Variants in NF1 observed in about 807,000 individuals in gnomAD.
NF1 encodes the protein neurofibromin.
Under a neutral mutation model 325.7 loss-of-function variants are expected in NF1, and 122 were observed. The ratio of observed to expected loss-of-function variants is 0.37; its 90% CI spans 0.32 to 0.44. NF1 has a LOEUF of 0.44. Among genes scored for constraint, NF1 ranks in the 20% least tolerant of loss-of-function variants. The pLI, the probability that NF1 is intolerant of heterozygous loss-of-function variation, is 1.00. For missense variants in NF1, 2,140 were observed against 3,415.4 expected (o/e 0.63, Z 9.31); for synonymous variants, 1,091 against 1,186.0 (o/e 0.92, Z 1.65).
At chr17:31,191,479 T>C (rs2066341714) in intron 8 of NF1, among the ~76,000 whole-genome samples, 1 of 152,190 alleles carries the variant, frequency 6.6e-6, no homozygotes. Flanking sequence ...CGGCAACATG[T>C]GTAAATCTCA....
At chr17:31,271,277 A>G (rs1314148534) in intron 36 of NF1, among the ~76,000 whole-genome samples, 3 of 152,212 alleles carry the variant, frequency 2.0e-5, no homozygotes, top group Non-Finnish European at 4.4e-5. Context: ...TCAATATAAG[A>G]TAATCTTGTC....
intron 57 of NF1, chr17:31,361,081 C>CAAAAAAAAAAAAAAAAAAAAAAAAAA: frequency 2.1e-5 from 1 of 46,544 alleles, no homozygotes; most frequent in Non-Finnish European, 3.5e-5. Context: ...CATACTATAT[C>CAAAAAAAAAAAAAAAAAAAAAAAAAA]AAAAAAAAAA....
intron 36 of NF1, among the ~76,000 whole-genome samples, chr17:31,312,049 T>C (rs566664324): frequency 2.0e-5 from 3 of 152,224 alleles, no homozygotes; most frequent in East Asian, 3.9e-4. Context: ...CTGAAAATTT[T>C]GTGGTGATTT....
At chr17:31,213,923 T>C (rs1440221254) in intron 12 of NF1, among the ~76,000 whole-genome samples, 1 of 152,164 alleles carries the variant, frequency 6.6e-6, no homozygotes, top group Non-Finnish European at 1.5e-5. Flanking sequence ...TTCTCTAAAA[T>C]TGGGAATGTA....
At chr17:31,095,517 A>G (rs998455208) in intron 1 of NF1, 148 bp downstream of exon 1, 1 of 351,654 alleles carries the variant, frequency 2.8e-6, no homozygotes, top group South Asian at 2.9e-5. Flanking sequence ...AGGGGGGATA[A>G]GTGGGGGTGG....
chr17:31,104,700 A>G (rs2143241402), intron 1 of NF1, among the ~76,000 whole-genome samples: 1 of 152,282 alleles, frequency 6.6e-6, no homozygotes, highest in Non-Finnish European at 1.5e-5. Context: ...AGCAAGTTGT[A>G]AATTTCTGTA....
rs558351103 is a variant in NF1 at position 31,312,646 on chromosome 17, A to G, written c.4836-13174A>G. 1.1e-4 allele frequency among the ~76,000 whole-genome samples: 16 copies of G among 152,288 alleles called. No individual in the cohort carries two copies. The East Asian group carries it at 2.9e-3, about 27-fold the overall frequency. ...ATATAATTTTATGACTTTATGCATAATGAAATAAACTAAATATTAGAAGTA... is the reference window on the plus strand; with the variant it reads ...ATATAATTTTATGACTTTATGCATAGTGAAATAAACTAAATATTAGAAGTA... On this transcript the variant is annotated intron_variant, in intron 36 of 57. Coordinates refer to ENST00000358273, the MANE Select transcript of NF1 (RefSeq NM_001042492.3).
At position 31,304,863 on chromosome 17, in the gene NF1, G is replaced by A. The variant is rs781203774; in HGVS notation, c.4836-20957G>A. 1.5e-5 allele frequency: 25 copies of A among 1,613,608 alleles called. No homozygotes were observed. The African/African-American group carries it at 3.1e-4, about 20-fold the overall frequency. On this transcript the variant is annotated intron_variant, in intron 36 of 57. Transcript: ENST00000358273. ...TGATGTTATCCATACAAATGTCAGG[G>A]GTTTCTCCATCAGCAAATGGAGATC...
At chr17:31,136,894 A>C (rs1034460986) in intron 1 of NF1, 6 of 152,180 alleles carry the variant, frequency 3.9e-5, no homozygotes, top group Non-Finnish European at 8.8e-5. Context: ...GGGCTCTTGG[A>C]ACTTATGCCC....
At chr17:31,304,805 T>C in intron 36 of NF1, 1 of 1,614,040 alleles carries the variant, frequency 6.2e-7, no homozygotes, top group Non-Finnish European at 8.5e-7. Context: ...AGTGAAATGA[T>C]TGATGTACGT....
Position 31,374,112 on chromosome 17 carries a change from G to T in NF1, c.8477G>T (p.Ser2826Ile). ...GSASQVQKQR[S>I]AGSFKRNSIK... ...GCAAGCCAAGTGCAGAAGCAAAGAA[G>T]CGCTGGCAGTTTCAAACGTAATAGC... The change falls in exon 58 of 58, where the codon AGC (serine) becomes ATC (isoleucine). Residue 2826 changes from serine to isoleucine, a missense_variant. Ser to Ile is a moderately radical substitution (Grantham distance 142). Transcript: ENST00000358273. 6.2e-7 allele frequency: 1 copy of T among 1,614,106 alleles called. No individual in the cohort carries two copies. The highest frequency in any genetic ancestry group is 8.5e-7 in the Non-Finnish European group (1 of 1,179,978).
chr17:31,126,124 G>T (rs1367419839), intron 1 of NF1, among the ~76,000 whole-genome samples: 1 of 152,002 alleles, frequency 6.6e-6, no homozygotes, highest in African/African-American at 2.4e-5. Flanking sequence ...GGAGGCGGAG[G>T]TTGCAGTGAG....
chr17:31,167,266 A>G lies in NF1; in HGVS notation c.480-2625A>G, dbSNP rs561418599. ...AGCAGCTGTGGAATTTTTAGCATTG[A>G]GGACAACCTCATTCCCAGCTTGAAA... On this transcript the variant is annotated intron_variant, in intron 4 of 57. Coordinates refer to ENST00000358273, the MANE Select transcript of NF1 (RefSeq NM_001042492.3). Among the ~76,000 whole-genome samples the G allele has an allele frequency of 2.2e-4, 33 of 152,344 alleles. 1 individual carries two copies. The South Asian group carries it at 5.4e-3, about 25-fold the overall frequency.
chr17:31,377,535 C>G lies in NF1; in HGVS notation c.*3380C>G. On this transcript the variant is annotated 3_prime_UTR_variant, in exon 58 of 58. Coordinates refer to ENST00000358273, the MANE Select transcript of NF1 (RefSeq NM_001042492.3). ...CGCCAGCAGGAAAAATACTGCCCAA[C>G]AGACAAAATCGATCATTGTAGGGGA... 4.3e-6 allele frequency: 1 copy of G among 232,948 alleles called. No homozygotes were observed. Among genetic ancestry groups the G allele is most frequent in the Non-Finnish European group, 8.5e-6 (1 of 117,610 alleles). 14.4% of individuals were successfully genotyped at this position (232,948 alleles called of 1,614,324 possible).
At chr17:31,223,294 A>G (rs1315803627) in intron 15 of NF1, 150 bp from the exon 16 acceptor site, 1 of 906,236 alleles carries the variant, frequency 1.1e-6, no homozygotes, top group African/African-American at 1.7e-5. Flanking sequence ...TGCTATTGAC[A>G]CTTTGATAAC....
At chr17:31,173,227 G>A (rs950541993) in intron 5 of NF1, among the ~76,000 whole-genome samples, 3 of 152,044 alleles carry the variant, frequency 2.0e-5, no homozygotes, top group Admixed American at 6.6e-5. Context: ...TGGCTAACAC[G>A]GTGAAACACT....
At chr17:31,146,083 T>A (rs1342934160) in intron 1 of NF1, among the ~76,000 whole-genome samples, 4 of 152,212 alleles carry the variant, frequency 2.6e-5, no homozygotes, top group African/African-American at 9.6e-5. Context: ...ATTACTATCT[T>A]ACAATTTCTG....
At chr17:31,245,303 C>T (rs1223125003) in intron 29 of NF1, among the ~76,000 whole-genome samples, 1 of 152,218 alleles carries the variant, frequency 6.6e-6, no homozygotes, top group Non-Finnish European at 1.5e-5. Context: ...TAGGCTGTCT[C>T]TTCAATTAGC....
chr17:31,372,255 G>A (rs940592556), intron 57 of NF1, among the ~76,000 whole-genome samples: 2 of 151,990 alleles, frequency 1.3e-5, no homozygotes, highest in Non-Finnish European at 2.9e-5. Flanking sequence ...CCAGCCCTAC[G>A]CCCTCTCCCC....
Sources: allele counts gnomAD v4.1 joint callset (sites outside exome capture counted in the v4.1 genomes callset), GRCh38; gene constraint gnomAD v4.1.1; transcripts MANE v1.5; gene names NCBI Gene and HGNC (gene_info 2026-07-23, HGNC 2026-07-21).